Variants in THRAP3 observed in about 807,000 individuals in gnomAD.
THRAP3 encodes the protein thyroid hormone receptor-associated protein 3.
In THRAP3, 16 loss-of-function variants were observed where a neutral mutation model predicts 101.0. The observed-to-expected ratio is 0.16, with a 90% CI of 0.11 to 0.24. The LOEUF (loss-of-function observed/expected upper bound fraction) is 0.24. Among genes scored for constraint, THRAP3 ranks in the 10% least tolerant of loss-of-function variants. The pLI, the probability that THRAP3 is intolerant of heterozygous loss-of-function variation, is 1.00. For synonymous variants in THRAP3, 407 were observed against 422.6 expected, an observed-to-expected ratio of 0.96 and a Z score of 0.45; for missense variants, 989 against 1,202.7, an observed-to-expected ratio of 0.82 and a Z score of 2.63.
chr1:36,302,449 G>C (rs1304481753), intron 11 of THRAP3, among the ~76,000 whole-genome samples: 1 of 152,212 alleles, frequency 6.6e-6, no homozygotes, highest in African/African-American at 2.4e-5. Context: ...CTGCTTTGAG[G>C]CTACTAGAGG....
At chr1:36,241,385 GTATATATATATATATATA>G (rs1166260923) in intron 1 of THRAP3, among the ~76,000 whole-genome samples, 34 of 8,652 alleles carry the variant, frequency 3.9e-3, no homozygotes, top group South Asian at 0.017. Context: ...GATAATGGGT[GTATATATATATATATATA>G]TATATATATA....
In THRAP3 at chr1:36,300,964, G is replaced by A. The variant is rs916566649; in HGVS notation, c.2382G>A (p.Glu794=). The change falls in exon 10 of 12, where the codon GAG becomes GAA. Residue 794 remains glutamate (E), a synonymous_variant. Transcript: ENST00000354618. Reference sequence around the variant, plus strand: ...CATCTCACTCCTACAAAGCAGAAGAGTACACTGAAGAGACAGAGGAAAGAG... The same window carrying A: ...CATCTCACTCCTACAAAGCAGAAGAATACACTGAAGAGACAGAGGAAAGAG... ...SQSSHSYKAE[E]YTEETEEREE... 12 of 1,614,030 alleles carry A rather than the reference G, an allele frequency of 7.4e-6. No homozygotes were observed. The highest frequency in any genetic ancestry group is 1.6e-4 in the Middle Eastern group (1 of 6,080).
At chr1:36,303,112 A>ATTT (rs397936228) in intron 11 of THRAP3, among the ~76,000 whole-genome samples, 39 of 125,156 alleles carry the variant, frequency 3.1e-4, no homozygotes, top group Admixed American at 5.8e-4. Context: ...TGCCTGGCTA[A>ATTT]TTTTTTTTTT....
At chr1:36,283,655 AGATGAATTGATTAG>A (rs1645761211) in intron 3 of THRAP3, among the ~76,000 whole-genome samples, 1 of 4,816 alleles carries the variant, frequency 2.1e-4, no homozygotes, top group African/African-American at 2.6e-4. Context: ...TCCTTGTCTT[AGATGAATTGATTAG>A]CTGTTTATTT....
chr1:36,281,260 G>A (rs1645727844), intron 2 of THRAP3, among the ~76,000 whole-genome samples: 1 of 152,278 alleles, frequency 6.6e-6, no homozygotes, highest in African/African-American at 2.4e-5. Flanking sequence ...ATGACTAGAT[G>A]TGCCACATAC....
At chr1:36,252,147 CG>C (rs776780039) in intron 1 of THRAP3, among the ~76,000 whole-genome samples, 39 of 151,978 alleles carry the variant, frequency 2.6e-4, no homozygotes, top group Non-Finnish European at 5.3e-4. Flanking sequence ...ATTTTTGAGA[CG>C]GAGTTTTGCT....
intron 2 of THRAP3, among the ~76,000 whole-genome samples, chr1:36,277,079 C>G (rs936665155): frequency 1.3e-5 from 2 of 151,764 alleles, no homozygotes; most frequent in East Asian, 3.9e-4. Context: ...AGTGATTCTC[C>G]TGCCTCAGCC....
chr1:36,304,482 A>G lies in THRAP3; in HGVS notation c.*465A>G, dbSNP rs1646073629. ...TTTTTTTCTTTTTTTAGGCATATGT[A>G]GTAATATTAGAAACATTTAATTTGG... On this transcript the variant is annotated 3_prime_UTR_variant, in exon 12 of 12. Transcript: ENST00000354618. 1 of 201,290 alleles carries G rather than the reference A, an allele frequency of 5.0e-6. No individual in the cohort carries two copies. The highest frequency in any genetic ancestry group is 6.5e-5 in the Admixed American group (1 of 15,348). 12.5% of individuals were successfully genotyped at this position (201,290 alleles called of 1,614,324 possible). A position where few individuals can be genotyped will look rare whatever the true frequency, so the allele number is the denominator to read the frequency against.
chr1:36,243,634 T>G (rs1284095774), intron 1 of THRAP3, among the ~76,000 whole-genome samples: 1 of 152,164 alleles, frequency 6.6e-6, no homozygotes, highest in Non-Finnish European at 1.5e-5. Flanking sequence ...GACTTCTCAA[T>G]CCTTTCCCCA....
At chr1:36,232,022 G>C (rs1423538279) in intron 1 of THRAP3, among the ~76,000 whole-genome samples, 1 of 151,966 alleles carries the variant, frequency 6.6e-6, no homozygotes. Flanking sequence ...TTTGAGACTA[G>C]CTTGACCAAC....
Position 36,292,601 on chromosome 1 carries a change from A to G in THRAP3, c.1922A>G (p.His641Arg). 6.2e-7 allele frequency: 1 copy of G among 1,612,640 alleles called. No individual in the cohort carries two copies. Among genetic ancestry groups the G allele is most frequent in the East Asian group, 2.2e-5 (1 of 44,822 alleles). ...GTGTTTCTTTTAATCCCAACAGAGC[A>G]TCACTTTGGGTCCTCAGGAATGACA... Reference protein sequence around the residue: ...IVTIVHHVKEHHFGSSGMTLH... With the variant: ...IVTIVHHVKERHFGSSGMTLH... The change falls in exon 7 of 12, where the codon CAT becomes CGT. Residue 641 changes from histidine to arginine, a missense_variant. Transcript: ENST00000354618.
chr1:36,269,344 A>C (rs1305725421), intron 2 of THRAP3, among the ~76,000 whole-genome samples: 2 of 152,140 alleles, frequency 1.3e-5, no homozygotes, highest in Non-Finnish European at 2.9e-5. Flanking sequence ...TGCTAATGAA[A>C]AAAAGTAGCT....
chr1:36,241,454 C>A (rs1645160323), intron 1 of THRAP3, among the ~76,000 whole-genome samples: 1 of 143,482 alleles, frequency 7.0e-6, no homozygotes, highest in African/African-American at 2.7e-5. Flanking sequence ...AATATATATT[C>A]TTACAAATGT....
At chr1:36,209,065 C>G in the THRAP3 span, among the ~76,000 whole-genome samples, 3 of 143,088 alleles carry the variant, frequency 2.1e-5, no homozygotes, top group African/African-American at 7.6e-5. Flanking sequence ...CAGCCTCGAA[C>G]TCCTGGGCTC....
chr1:36,287,820 G>T, intron 4 of THRAP3: 2 of 985,458 alleles, frequency 2.0e-6, no homozygotes, highest in Non-Finnish European at 2.4e-6. Flanking sequence ...ACACGGCTGC[G>T]TGTTAGGAGA....
At chr1:36,212,854 A>G in the THRAP3 span, among the ~76,000 whole-genome samples, 1 of 152,172 alleles carries the variant, frequency 6.6e-6, no homozygotes, top group African/African-American at 2.4e-5. Flanking sequence ...AATTACAACA[A>G]TGCAAGGCAG....
chr1:36,211,162 C>T, the THRAP3 span, among the ~76,000 whole-genome samples: 1 of 151,126 alleles, frequency 6.6e-6, no homozygotes, highest in Non-Finnish European at 1.5e-5. Flanking sequence ...GGGTTCGAGA[C>T]CAGCCTGGAA....
chr1:36,259,763 C>A (rs1279101348), intron 2 of THRAP3, among the ~76,000 whole-genome samples: 717 of 133,728 alleles, frequency 5.4e-3, no homozygotes, highest in Middle Eastern at 7.8e-3. Context: ...GACCCTGTCT[C>A]AAAAAAAAAA....
Position 36,274,084 on chromosome 1 carries a change from A to AGT in THRAP3, c.-31-8449_-31-8448insGT, listed in dbSNP as rs1557437717. Among the ~76,000 whole-genome samples the AGT allele has an allele frequency of 0.016, 71 of 4,362 alleles. No individual in the cohort carries two copies. The East Asian group carries it at 0.28, about 17-fold the overall frequency. 2.9% of individuals were successfully genotyped at this position (4,362 alleles called of 152,430 possible). A position where few individuals can be genotyped will look rare whatever the true frequency, so the allele number is the denominator to read the frequency against. On this transcript the variant is annotated intron_variant, in intron 2 of 11. Coordinates refer to ENST00000354618, the MANE Select transcript of THRAP3 (RefSeq NM_005119.4). ...CTGTGTGTGTGTGTGTGTCACACAC[A>AGT]CACACACACACACACACACACACAG...
Sources: allele counts gnomAD v4.1 joint callset (sites outside exome capture counted in the v4.1 genomes callset), GRCh38; gene constraint gnomAD v4.1.1; transcripts MANE v1.5; gene names NCBI Gene and HGNC (gene_info 2026-07-23, HGNC 2026-07-21).